RSPO2: variants seen among roughly 807,000 people sequenced by gnomAD.
RSPO2 encodes R-spondin 2.
A neutral mutation model predicts 30.9 loss-of-function variants in RSPO2; 14 were observed. The observed-to-expected ratio is 0.45, with a 90% CI of 0.30 to 0.71. The LOEUF is 0.71. RSPO2 is among the 30% of genes least tolerant of loss of function. The pLI, the probability that RSPO2 is intolerant of heterozygous loss-of-function variation, is 0.08. For synonymous variants in RSPO2, 107 were observed against 96.4 expected (o/e 1.11, Z -0.64); for missense variants, 264 against 301.9 (o/e 0.87, Z 0.93).
chr8:107,992,705 A>G (rs528561243), intron 2 of RSPO2, among the ~76,000 whole-genome samples: 2 of 152,330 alleles, frequency 1.3e-5, no homozygotes, highest in South Asian at 4.1e-4. Context: ...ATGAGAATAA[A>G]GTCAAGCCAG....
intron 5 of RSPO2, among the ~76,000 whole-genome samples, chr8:107,911,887 T>G (rs1210541735): frequency 6.6e-6 from 1 of 152,098 alleles, no homozygotes; most frequent in Non-Finnish European, 1.5e-5. Context: ...AATTAATAAG[T>G]AAATACTAGG....
intron 3 of RSPO2, among the ~76,000 whole-genome samples, chr8:107,975,821 A>C (rs1034941946): frequency 1.1e-4 from 17 of 152,254 alleles, no homozygotes; most frequent in Admixed American, 4.6e-4. Flanking sequence ...TCATAGGTAC[A>C]TCCAAATATA....
intron 3 of RSPO2, among the ~76,000 whole-genome samples, chr8:107,979,868 T>A (rs1299832280): frequency 1.3e-5 from 2 of 152,132 alleles, no homozygotes; most frequent in Non-Finnish European, 2.9e-5. Flanking sequence ...GCTTCCTAAT[T>A]GGTCTCTGTG....
intron 3 of RSPO2, among the ~76,000 whole-genome samples, chr8:107,961,777 T>C (rs893498712): frequency 6.6e-6 from 1 of 152,200 alleles, no homozygotes; most frequent in African/African-American, 2.4e-5. Context: ...TAATAGGTAG[T>C]CTGCAGATAG....
intron 2 of RSPO2, among the ~76,000 whole-genome samples, chr8:108,073,674 C>T (rs1392436962): frequency 1.3e-5 from 2 of 152,094 alleles, no homozygotes; most frequent in East Asian, 3.9e-4. Context: ...TAACAAAACC[C>T]CTATACTGTA....
intron 2 of RSPO2, among the ~76,000 whole-genome samples, chr8:108,080,471 C>A (rs446454): frequency 0.26 from 39,038 of 151,980 alleles, 4,978 homozygotes; most frequent in African/African-American, 0.28. Flanking sequence ...ACTGTCAGTG[C>A]TTTGGGATGT....
chr8:107,935,327 G>A (rs1239123453), intron 5 of RSPO2, among the ~76,000 whole-genome samples: 1 of 152,122 alleles, frequency 6.6e-6, no homozygotes, highest in Admixed American at 6.6e-5. Flanking sequence ...CAATAGTTAT[G>A]CATTATGAGA....
At chr8:107,951,046 T>G (rs528082617) in intron 5 of RSPO2, among the ~76,000 whole-genome samples, 5 of 146,568 alleles carry the variant, frequency 3.4e-5, no homozygotes, top group Admixed American at 2.7e-4. Flanking sequence ...AGAATAAGTT[T>G]TTTTTTGTTG....
chr8:108,044,449 A>G (rs1202364035), intron 2 of RSPO2, among the ~76,000 whole-genome samples: 2 of 152,114 alleles, frequency 1.3e-5, no homozygotes, highest in African/African-American at 4.8e-5. Context: ...ACTTTTAAGT[A>G]AGAACATGCA....
intron 2 of RSPO2, among the ~76,000 whole-genome samples, chr8:108,020,713 A>G (rs981141701): frequency 6.6e-6 from 1 of 152,234 alleles, no homozygotes; most frequent in Non-Finnish European, 1.5e-5. Flanking sequence ...TAAAAATGAT[A>G]TACAATTCCC....
chr8:107,946,690 C>T (rs1813070198), intron 5 of RSPO2, among the ~76,000 whole-genome samples: 1 of 152,174 alleles, frequency 6.6e-6, no homozygotes, highest in African/African-American at 2.4e-5. Context: ...TAACAACTCA[C>T]CTGTTTGTAT....
At chr8:107,919,542 A>G (rs1423559993) in intron 5 of RSPO2, among the ~76,000 whole-genome samples, 1 of 152,124 alleles carries the variant, frequency 6.6e-6, no homozygotes, top group Non-Finnish European at 1.5e-5. Context: ...ACCCTCTGTA[A>G]CCTGCTCCTA....
intron 2 of RSPO2, among the ~76,000 whole-genome samples, chr8:108,010,031 A>G (rs566738514): frequency 6.6e-6 from 1 of 152,166 alleles, no homozygotes; most frequent in Admixed American, 6.5e-5. Context: ...CCTGGGCAAC[A>G]GAATAAGGCC....
At chr8:108,027,467 A>T (rs1344019943) in intron 2 of RSPO2, among the ~76,000 whole-genome samples, 5 of 152,256 alleles carry the variant, frequency 3.3e-5, no homozygotes, top group Admixed American at 3.3e-4. Flanking sequence ...TACAATAATG[A>T]TAATGAAAAC....
intron 2 of RSPO2, among the ~76,000 whole-genome samples, chr8:108,081,461 A>G (rs1813192957): frequency 1.3e-5 from 2 of 152,220 alleles, no homozygotes; most frequent in Admixed American, 1.3e-4. Context: ...CAAAAGTCCA[A>G]AGTGCCGAAT....
At chr8:108,046,974 G>T (rs1046495609) in intron 2 of RSPO2, among the ~76,000 whole-genome samples, 2 of 152,126 alleles carry the variant, frequency 1.3e-5, no homozygotes, top group Non-Finnish European at 2.9e-5. Flanking sequence ...GTGGGAAAAA[G>T]TCAAGAAAGG....
intron 3 of RSPO2, among the ~76,000 whole-genome samples, chr8:107,980,321 T>TC (rs780210268): frequency 2.6e-5 from 4 of 152,138 alleles, no homozygotes; most frequent in Non-Finnish European, 5.9e-5. Flanking sequence ...GGCTAAGCCA[T>TC]CCCCTAAATT....
At chr8:107,978,570 A>T (rs1325466901) in intron 3 of RSPO2, among the ~76,000 whole-genome samples, 2 of 152,236 alleles carry the variant, frequency 1.3e-5, no homozygotes, top group African/African-American at 4.8e-5. Context: ...CTAAAACCAT[A>T]AAAACCCTAG....
intron 3 of RSPO2, among the ~76,000 whole-genome samples, chr8:107,976,134 T>G (rs1319615310): frequency 6.6e-6 from 1 of 152,228 alleles, no homozygotes; most frequent in African/African-American, 2.4e-5. Context: ...AAAAGAATGC[T>G]GAAAGTGTAC....
Sources: allele counts gnomAD v4.1 joint callset (sites outside exome capture counted in the v4.1 genomes callset), GRCh38; gene constraint gnomAD v4.1.1; transcripts MANE v1.5; gene names NCBI Gene and HGNC (gene_info 2026-07-23, HGNC 2026-07-21).